Variants in VWA8 observed in about 807,000 individuals in gnomAD.
The protein encoded by VWA8 is von Willebrand factor A domain-containing protein 8.
VWA8 carries 221 observed loss-of-function variants against 241.5 expected under a neutral mutation model. The observed-to-expected ratio is 0.91, with a 90% CI of 0.82 to 1.02. VWA8 has a LOEUF of 1.02. Among genes scored for constraint, VWA8 ranks in the 50% least tolerant of loss-of-function variants. The pLI is 0.00. For synonymous variants in VWA8, 852 were observed against 827.1 expected, an observed-to-expected ratio of 1.03 and a Z score of -0.52; for missense variants, 2,322 against 2,328.7, an observed-to-expected ratio of 1.00 and a Z score of 0.06.
intron 9 of VWA8, among the ~76,000 whole-genome samples, chr13:41,872,543 G>C (rs1241762095): frequency 6.6e-6 from 1 of 152,096 alleles, no homozygotes; most frequent in African/African-American, 2.4e-5. Flanking sequence ...AGTTTTCCCA[G>C]CACCATTTAT....
At chr13:41,904,103 T>C (rs1875587167) in intron 4 of VWA8, among the ~76,000 whole-genome samples, 1 of 152,108 alleles carries the variant, frequency 6.6e-6, no homozygotes, top group African/African-American at 2.4e-5. Context: ...ATATATATCA[T>C]CTAAAAATAT....
intron 2 of VWA8, among the ~76,000 whole-genome samples, chr13:41,921,697 G>C (rs1257054096): frequency 6.6e-6 from 1 of 152,078 alleles, no homozygotes; most frequent in Non-Finnish European, 1.5e-5. Flanking sequence ...GCTTCAAAGA[G>C]AATAAAATAC....
Position 41,703,351 on chromosome 13 carries a change from C to G in VWA8, c.3177G>C (p.Gly1059=). 1 of 1,614,042 alleles carries G rather than the reference C, an allele frequency of 6.2e-7. No individual in the cohort carries two copies. The highest frequency in any genetic ancestry group is 8.5e-7 in the Non-Finnish European group (1 of 1,179,962). Reference sequence around the variant, plus strand: ...CCACTGGACACAAGAGTTTTTGCATCCCACTTCTTGCCTGACCAATTGTCC... The same window carrying G: ...CCACTGGACACAAGAGTTTTTGCATGCCACTTCTTGCCTGACCAATTGTCC... ...GYWTIGQARS[G]MQKLLCPVET... The change falls in exon 27 of 45, where the codon GGG becomes GGC. Residue 1059 remains glycine (G), a synonymous_variant. Transcript: ENST00000379310.
chr13:41,706,039 G>A (rs1290030094), intron 26 of VWA8, among the ~76,000 whole-genome samples: 2 of 151,930 alleles, frequency 1.3e-5, no homozygotes, highest in Non-Finnish European at 2.9e-5. Flanking sequence ...AACAATCTTT[G>A]GTTGATACCT....
rs1346789609 is a variant in VWA8, at chr13:41,855,303, A to AAT, written c.1425+10431_1425+10432dup. ...CACCCAATGGCCCACCACGGGTTTA[A>AAT]ATATATATATATTTATTTATATATA... On this transcript the variant is annotated intron_variant, in intron 12 of 44. Coordinates refer to ENST00000379310, the MANE Select transcript of VWA8 (RefSeq NM_015058.2). 3.4e-3 allele frequency among the ~76,000 whole-genome samples: 500 copies of AAT among 146,444 alleles called. 2 individuals carry two copies. Among genetic ancestry groups the AAT allele is most frequent in the African/African-American group, 0.012 (472 of 40,130 alleles).
At chr13:41,951,594 A>C (rs202243997) in intron 1 of VWA8, among the ~76,000 whole-genome samples, 3 of 152,326 alleles carry the variant, frequency 2.0e-5, no homozygotes, top group East Asian at 1.9e-4. Context: ...CTAACAGCAA[A>C]ATAGGCATGG....
intron 3 of VWA8, among the ~76,000 whole-genome samples, chr13:41,908,471 C>G (rs34020291): frequency 0.23 from 34,905 of 151,082 alleles, 4,048 homozygotes; most frequent in East Asian, 0.29. Context: ...GACTCCATCT[C>G]AAGGGAAAAA....
At chr13:41,724,237 T>C (rs1013845826) in intron 24 of VWA8, among the ~76,000 whole-genome samples, 2 of 152,098 alleles carry the variant, frequency 1.3e-5, no homozygotes, top group Admixed American at 6.5e-5. Context: ...TGGAATTAAG[T>C]GAGGATGGTA....
intron 37 of VWA8, among the ~76,000 whole-genome samples, chr13:41,666,630 C>T (rs1461189914): frequency 2.0e-5 from 3 of 152,208 alleles, no homozygotes. Context: ...GCAAACTTAA[C>T]AACCCCCCAG....
At chr13:41,719,820 C>T (rs962477393) in intron 25 of VWA8, 78 bp from the exon 26 acceptor site, 44 of 1,329,538 alleles carry the variant, frequency 3.3e-5, no homozygotes, top group Admixed American at 1.1e-4. Flanking sequence ...ATGGATAGGA[C>T]AATAATGATC....
intron 18 of VWA8, 74 bp from the exon 19 acceptor site, chr13:41,783,975 T>C: frequency 9.7e-7 from 1 of 1,026,062 alleles, no homozygotes; most frequent in Non-Finnish European, 1.5e-6. Context: ...CAACACAGAA[T>C]GCAATACAGC....
chr13:41,637,900 C>T (rs1036998360), intron 37 of VWA8, among the ~76,000 whole-genome samples: 1 of 152,192 alleles, frequency 6.6e-6, no homozygotes, highest in Non-Finnish European at 1.5e-5. Flanking sequence ...GAAGCAGTAT[C>T]ATGCATGGCA....
chr13:41,623,247 G>A (rs2044668805), intron 37 of VWA8, among the ~76,000 whole-genome samples: 1 of 152,168 alleles, frequency 6.6e-6, no homozygotes, highest in South Asian at 2.1e-4. Context: ...GCATAGAGCT[G>A]TAGCATCCAC....
At chr13:41,731,089 T>G (rs1206422004) in intron 22 of VWA8, among the ~76,000 whole-genome samples, 1 of 149,766 alleles carries the variant, frequency 6.7e-6, no homozygotes, top group African/African-American at 2.4e-5. Context: ...AAAAACTGAA[T>G]TTAAAAAAAG....
chr13:41,845,064 G>T (rs1872227487), intron 12 of VWA8, among the ~76,000 whole-genome samples: 1 of 151,826 alleles, frequency 6.6e-6, no homozygotes, highest in Non-Finnish European at 1.5e-5. Context: ...AATTCATATG[G>T]AACCAAAAAA....
intron 2 of VWA8, among the ~76,000 whole-genome samples, chr13:41,943,694 T>A (rs1469158756): frequency 6.6e-5 from 10 of 152,170 alleles, no homozygotes; most frequent in Non-Finnish European, 1.3e-4. Flanking sequence ...GACAACTCAA[T>A]TTTTTTAGTG....
intron 19 of VWA8, 79 bp downstream of exon 19, chr13:41,783,716 A>G: frequency 2.1e-6 from 2 of 949,464 alleles, no homozygotes; most frequent in Non-Finnish European, 3.2e-6. Context: ...AAAAATAATT[A>G]CATGTCAATT....
At chr13:41,704,942 T>A (rs935389506) in intron 26 of VWA8, among the ~76,000 whole-genome samples, 2 of 152,210 alleles carry the variant, frequency 1.3e-5, no homozygotes, top group Non-Finnish European at 2.9e-5. Context: ...AGAACACGTT[T>A]ATATTTAGAA....
chr13:41,644,817 G>A (rs555648143), intron 37 of VWA8, among the ~76,000 whole-genome samples: 1 of 152,380 alleles, frequency 6.6e-6, no homozygotes, highest in South Asian at 2.1e-4. Flanking sequence ...CTATTTAGAA[G>A]TTAGGTGATG....
Sources: allele counts gnomAD v4.1 joint callset (sites outside exome capture counted in the v4.1 genomes callset), GRCh38; gene constraint gnomAD v4.1.1; transcripts MANE v1.5; gene names NCBI Gene and HGNC (gene_info 2026-07-23, HGNC 2026-07-21).